ZNF420: variants seen among roughly 807,000 people sequenced by gnomAD.
The protein encoded by ZNF420 is ATM and p53-associated KZNF protein.
Under a neutral mutation model 44.7 loss-of-function variants are expected in ZNF420, and 31 were observed. The ratio of observed to expected loss-of-function variants is 0.69; its 90% CI spans 0.52 to 0.94. ZNF420 has a LOEUF of 0.94. Ranked by LOEUF, ZNF420 falls within the 40% of genes least tolerant of loss-of-function variation. ZNF420 has a pLI of 0.00. For synonymous variants in ZNF420, 245 were observed against 267.4 expected (o/e 0.92, Z 0.82); for missense variants, 681 against 827.9 (o/e 0.82, Z 2.18).
In ZNF420 at chr19:37,120,963, T is replaced by G. The variant is rs908231658; in HGVS notation, c.137-6165T>G. Among the ~76,000 whole-genome samples, 166 of 151,978 alleles carry G rather than the reference T, an allele frequency of 1.1e-3. 1 individual carries two copies. The highest frequency in any genetic ancestry group is 1.6e-3 in the Non-Finnish European group (112 of 67,978). ...AGGAGAACTACAAACCACTGCTCAATGAAATAAAAGAGGATACAAACAAAT... is the reference window on the plus strand; with the variant it reads ...AGGAGAACTACAAACCACTGCTCAAGGAAATAAAAGAGGATACAAACAAAT... On this transcript the variant is annotated intron_variant, in intron 4 of 4. Coordinates refer to ENST00000337995, the MANE Select transcript of ZNF420 (RefSeq NM_144689.5).
At chr19:37,035,750 CAT>C (rs1388788142) in intron 1 of ZNF420, among the ~76,000 whole-genome samples, 1 of 152,038 alleles carries the variant, frequency 6.6e-6, no homozygotes, top group East Asian at 1.9e-4. Context: ...GTGGAGAAAA[CAT>C]ATGTAAGGGC....
intron 4 of ZNF420, among the ~76,000 whole-genome samples, chr19:37,110,058 C>T (rs1370177400): frequency 6.6e-6 from 1 of 152,178 alleles, no homozygotes; most frequent in Non-Finnish European, 1.5e-5. Flanking sequence ...AGCTTTACTA[C>T]AGTATCCTGG....
chr19:37,080,823 G>A (rs1305909411), intron 2 of ZNF420, among the ~76,000 whole-genome samples: 1 of 152,054 alleles, frequency 6.6e-6, no homozygotes, highest in South Asian at 2.1e-4. Context: ...TTGGGAGGCC[G>A]AGGCGGATGG....
At chr19:37,065,542 T>G (rs1032194028) in intron 1 of ZNF420, among the ~76,000 whole-genome samples, 3 of 152,224 alleles carry the variant, frequency 2.0e-5, no homozygotes, top group African/African-American at 7.2e-5. Context: ...GAATGGCCCT[T>G]GGCTTACAGC....
chr19:37,056,456 GTTGCATTGGC>G (rs2146432793), intron 1 of ZNF420, among the ~76,000 whole-genome samples: 1 of 152,294 alleles, frequency 6.6e-6, no homozygotes, highest in African/African-American at 2.4e-5. Flanking sequence ...GACACGTGTG[GTTGCATTGGC>G]TCCACCTTGG....
intron 1 of ZNF420, among the ~76,000 whole-genome samples, chr19:37,057,264 C>A (rs1373074547): frequency 6.6e-6 from 1 of 152,200 alleles, no homozygotes; most frequent in African/African-American, 2.4e-5. Flanking sequence ...CCTGCCCGGA[C>A]GGGGATCGGG....
At chr19:37,108,055 A>T (rs1411108551) in intron 4 of ZNF420, among the ~76,000 whole-genome samples, 2 of 152,134 alleles carry the variant, frequency 1.3e-5, no homozygotes, top group African/African-American at 4.8e-5. Context: ...CATCCAAATG[A>T]CAGTCTAAGA....
At chr19:37,104,303 A>T (rs1021528997) in intron 4 of ZNF420, among the ~76,000 whole-genome samples, 9 of 152,130 alleles carry the variant, frequency 5.9e-5, no homozygotes, top group Non-Finnish European at 1.0e-4. Context: ...TGTCCCTACG[A>T]AGGACATGAA....
chr19:37,016,785 T>C (rs1896777852), intron 1 of ZNF420, among the ~76,000 whole-genome samples: 1 of 152,114 alleles, frequency 6.6e-6, no homozygotes, highest in South Asian at 2.1e-4. Context: ...CCTCGGAGGA[T>C]GATTTTGGTA....
At chr19:37,021,418 C>G (rs1415604145) in intron 1 of ZNF420, among the ~76,000 whole-genome samples, 1 of 152,096 alleles carries the variant, frequency 6.6e-6, no homozygotes, top group East Asian at 1.9e-4. Context: ...CAGGCATATG[C>G]CACCACACCC....
chr19:37,126,250 G>C (rs965861802), intron 4 of ZNF420, among the ~76,000 whole-genome samples: 1 of 152,126 alleles, frequency 6.6e-6, no homozygotes, highest in African/African-American at 2.4e-5. Context: ...ATTAAATTAA[G>C]ACCTGAAGAA....
intron 2 of ZNF420, among the ~76,000 whole-genome samples, chr19:37,083,262 A>T (rs1465507515): frequency 6.7e-6 from 1 of 149,978 alleles, no homozygotes; most frequent in Non-Finnish European, 1.5e-5. Context: ...CCTTTATGTG[A>T]TGTTAACAGC....
rs1277472167 is a variant in ZNF420, at chr19:37,089,131, A to G, written c.9+4A>G. The G allele has an allele frequency of 2.5e-6, 4 of 1,612,884 alleles. No individual in the cohort carries two copies. The South Asian group carries it at 4.4e-5, about 18-fold the overall frequency. ...AGCTCTAAAAACCATGGCTCGGGTA[A>G]ATTGGAGTTTCCTTGTGCTCTTTTC... On this transcript the variant is annotated splice_donor_region_variant and intron_variant, in intron 3 of 4. Coordinates refer to ENST00000337995, the MANE Select transcript of ZNF420 (RefSeq NM_144689.5).
chr19:37,041,187 GT>G (rs1346091610), intron 1 of ZNF420, among the ~76,000 whole-genome samples: 2 of 151,726 alleles, frequency 1.3e-5, no homozygotes, highest in African/African-American at 4.8e-5. Context: ...GTTAGGCATA[GT>G]GGCACACTCC....
rs1388329536 is a variant in ZNF420, at chr19:37,097,083, G to A, written c.136+5962G>A. Reference sequence around the variant, plus strand: ...CCAGATAATTCTTGTATTTTTAGTAGAGACAGGGTTTCACTATGTTGGCCA... The same window carrying A: ...CCAGATAATTCTTGTATTTTTAGTAAAGACAGGGTTTCACTATGTTGGCCA... On this transcript the variant is annotated intron_variant, in intron 4 of 4. Coordinates refer to ENST00000337995, the MANE Select transcript of ZNF420 (RefSeq NM_144689.5). Among the ~76,000 whole-genome samples, 18 of 151,922 alleles carry A rather than the reference G, an allele frequency of 1.2e-4. 1 individual carries two copies. Among genetic ancestry groups the A allele is most frequent in the Admixed American group, 1.2e-3 (18 of 15,244 alleles).
At chr19:37,030,559 A>G (rs1967239445) in intron 1 of ZNF420, among the ~76,000 whole-genome samples, 1 of 152,210 alleles carries the variant, frequency 6.6e-6, no homozygotes, top group African/African-American at 2.4e-5. Flanking sequence ...CACTTGGTAT[A>G]ATGCCCTCCA....
chr19:37,112,803 A>G (rs567937160), intron 4 of ZNF420, among the ~76,000 whole-genome samples: 6 of 152,250 alleles, frequency 3.9e-5, no homozygotes, highest in African/African-American at 1.4e-4. Flanking sequence ...AATCAACCAC[A>G]CCAGTATGAA....
chr19:37,010,728 G>T (rs2074563111), intron 1 of ZNF420, among the ~76,000 whole-genome samples: 1 of 151,974 alleles, frequency 6.6e-6, no homozygotes, highest in Non-Finnish European at 1.5e-5. Context: ...TTCCACTTTG[G>T]GTTTCTAAAG....
intron 1 of ZNF420, among the ~76,000 whole-genome samples, chr19:37,009,841 C>G (rs2074554780): frequency 6.6e-6 from 1 of 152,182 alleles, no homozygotes; most frequent in South Asian, 2.1e-4. Flanking sequence ...AGCAGGCGCC[C>G]TGAACCTCCT....
Sources: gnomAD v4.1 joint callset for allele counts (sites outside exome capture counted in the v4.1 genomes callset) on GRCh38, gnomAD v4.1.1 for gene constraint, MANE v1.5 for transcripts, NCBI Gene and HGNC (gene_info 2026-07-23, HGNC 2026-07-21) for gene names.